The following PTPRT variants were observed in gnomAD, a reference collection of about 807,000 sequenced individuals.
PTPRT encodes the protein protein tyrosine phosphatase receptor type T.
In PTPRT, 56 loss-of-function variants were observed where a neutral mutation model predicts 176.8. The ratio of observed to expected loss-of-function variants is 0.32; its 90% CI spans 0.26 to 0.40. PTPRT has a LOEUF of 0.40. Among genes scored for constraint, PTPRT ranks in the 10% least tolerant of loss-of-function variants. The probability of loss-of-function intolerance (pLI) is 1.00; values close to 1 mark genes in which losing one functional copy is unlikely to be tolerated. For synonymous variants in PTPRT, 783 were observed against 739.0 expected (o/e 1.06, Z -0.96); for missense variants, 1,540 against 1,908.2 (o/e 0.81, Z 3.60).
intron 15 of PTPRT, among the ~76,000 whole-genome samples, chr20:42,201,977 G>GTC (rs1991472062): frequency 6.6e-6 from 1 of 151,310 alleles, no homozygotes; most frequent in South Asian, 2.1e-4. Flanking sequence ...GTGTGTGTGT[G>GTC]TATGTATGTG....
chr20:42,855,952 T>C (rs544298772), intron 2 of PTPRT, among the ~76,000 whole-genome samples: 21 of 152,212 alleles, frequency 1.4e-4, no homozygotes, highest in Non-Finnish European at 2.5e-4. Flanking sequence ...AGTTATCTCA[T>C]ATGAGGACTC....
chr20:42,173,607 G>A (rs6016705), intron 16 of PTPRT, among the ~76,000 whole-genome samples: 51,531 of 151,922 alleles, frequency 0.34, 9,088 homozygotes, highest in Admixed American at 0.38. Context: ...AAAAATGAAA[G>A]GTCGTTGAGT....
chr20:42,184,282 C>G (rs1990637055), intron 16 of PTPRT, among the ~76,000 whole-genome samples: 1 of 152,178 alleles, frequency 6.6e-6, no homozygotes, highest in South Asian at 2.1e-4. Flanking sequence ...GTGTGTTACA[C>G]CATGTCACTT....
chr20:42,813,321 T>A (rs1404011346), intron 2 of PTPRT, among the ~76,000 whole-genome samples: 1 of 152,114 alleles, frequency 6.6e-6, no homozygotes, highest in Non-Finnish European at 1.5e-5. Flanking sequence ...TGTTATTTTT[T>A]TAGGTTAGAA....
intron 2 of PTPRT, among the ~76,000 whole-genome samples, chr20:42,850,282 C>G (rs1390577076): frequency 6.6e-6 from 1 of 152,218 alleles, no homozygotes; most frequent in Admixed American, 6.5e-5. Context: ...GCGCTTCAAG[C>G]ACTACCACTT....
intron 7 of PTPRT, among the ~76,000 whole-genome samples, chr20:42,656,879 G>A (rs1298787274): frequency 6.6e-6 from 1 of 152,038 alleles, no homozygotes; most frequent in Admixed American, 6.6e-5. Context: ...GCTTTTGCCT[G>A]CTTATATTTT....
chr20:42,187,743 C>T (rs989493346), intron 16 of PTPRT, among the ~76,000 whole-genome samples: 1 of 152,204 alleles, frequency 6.6e-6, no homozygotes, highest in Admixed American at 6.5e-5. Flanking sequence ...TGAGTTCCAT[C>T]CCAGGATCCA....
chr20:43,057,613 A>G (rs2146245458), intron 1 of PTPRT, among the ~76,000 whole-genome samples: 1 of 152,342 alleles, frequency 6.6e-6, no homozygotes, highest in African/African-American at 2.4e-5. Context: ...TATTACCTTT[A>G]GAGAAAGCTG....
intron 1 of PTPRT, among the ~76,000 whole-genome samples, chr20:42,890,172 T>C (rs1318096680): frequency 1.3e-5 from 2 of 152,154 alleles, no homozygotes; most frequent in Non-Finnish European, 2.9e-5. Context: ...AAACACACAA[T>C]TCAGTAAAAG....
intron 7 of PTPRT, among the ~76,000 whole-genome samples, chr20:42,544,795 A>G (rs2207887): frequency 0.38 from 57,849 of 152,030 alleles, 11,084 homozygotes; most frequent in Admixed American, 0.43. Context: ...AATAACAGAC[A>G]TGGGTCTTCT....
At chr20:42,977,024 AAGCC>A (rs1226049533) in intron 1 of PTPRT, among the ~76,000 whole-genome samples, 2 of 152,160 alleles carry the variant, frequency 1.3e-5, no homozygotes, top group South Asian at 4.1e-4. Context: ...AGCACTGCCG[AAGCC>A]AGCCAGCCAG....
chr20:42,063,114 C>T, the PTPRT span, among the ~76,000 whole-genome samples: 1 of 152,134 alleles, frequency 6.6e-6, no homozygotes, highest in Non-Finnish European at 1.5e-5. Context: ...GTTACTTTTC[C>T]GGTGGCATAG....
At chr20:42,641,284 G>C (rs924267537) in intron 7 of PTPRT, among the ~76,000 whole-genome samples, 9 of 152,180 alleles carry the variant, frequency 5.9e-5, no homozygotes, top group African/African-American at 2.2e-4. Flanking sequence ...CTAGCGATGT[G>C]TGAGAGGCCT....
chr20:42,394,355 C>G, intron 9 of PTPRT, among the ~76,000 whole-genome samples: 1 of 152,126 alleles, frequency 6.6e-6, no homozygotes, highest in Non-Finnish European at 1.5e-5. Flanking sequence ...GGCATGGGAC[C>G]TCATTCTTGC....
At chr20:43,070,466 C>T (rs1600691065) in intron 1 of PTPRT, among the ~76,000 whole-genome samples, 1 of 152,244 alleles carries the variant, frequency 6.6e-6, no homozygotes, top group South Asian at 2.1e-4. Flanking sequence ...CCAGCCATCC[C>T]ATTATTGAGT....
At chr20:42,405,540 A>G (rs1454985664) in intron 9 of PTPRT, among the ~76,000 whole-genome samples, 6 of 152,204 alleles carry the variant, frequency 3.9e-5, no homozygotes, top group Non-Finnish European at 7.3e-5. Context: ...TTTTATGGCT[A>G]CATAATATTT....
intron 14 of PTPRT, 36 bp downstream of exon 14, chr20:42,248,651 G>T (rs760245705): frequency 1.8e-5 from 29 of 1,610,408 alleles, no homozygotes; most frequent in African/African-American, 2.7e-5. Context: ...GTCACCTCGG[G>T]TCAGCAGAGT....
chr20:42,525,647 G>C (rs1297383050), intron 7 of PTPRT, among the ~76,000 whole-genome samples: 1 of 152,190 alleles, frequency 6.6e-6, no homozygotes, highest in Non-Finnish European at 1.5e-5. Context: ...CATAGTGAAA[G>C]TAAGTTGGGT....
At chr20:43,100,105 G>C (rs984610753) in intron 1 of PTPRT, among the ~76,000 whole-genome samples, 1 of 152,248 alleles carries the variant, frequency 6.6e-6, no homozygotes, top group Non-Finnish European at 1.5e-5. Context: ...GTCGGGCACA[G>C]TGGCTCATGC....
Sources: gnomAD v4.1 joint callset for allele counts (sites outside exome capture counted in the v4.1 genomes callset) on GRCh38, gnomAD v4.1.1 for gene constraint, MANE v1.5 for transcripts, NCBI Gene and HGNC (gene_info 2026-07-23, HGNC 2026-07-21) for gene names.